Variants in CLIC5 observed in about 807,000 individuals in gnomAD.
CLIC5 encodes the protein chloride intracellular channel protein 5.
A neutral mutation model predicts 24.7 loss-of-function variants in CLIC5; 20 were observed. The observed-to-expected ratio is 0.81, with a 90% CI of 0.57 to 1.18. The LOEUF is 1.18. Ranked by LOEUF, CLIC5 falls within the 50% of genes most tolerant of loss-of-function variation. The pLI, the probability that CLIC5 is intolerant of heterozygous loss-of-function variation, is 0.00. For missense variants in CLIC5, 341 were observed against 326.1 expected, an observed-to-expected ratio of 1.05 and a Z score of -0.35; for synonymous variants, 159 against 135.6, an observed-to-expected ratio of 1.17 and a Z score of -1.20.
intron 1 of CLIC5, 123 bp downstream of exon 1, chr6:46,015,357 G>T (rs1038786741): frequency 2.0e-6 from 2 of 996,604 alleles, no homozygotes; most frequent in Non-Finnish European, 2.7e-6. Flanking sequence ...AAAGGCCACG[G>T]GGGAGCACAG....
intron 1 of CLIC5, among the ~76,000 whole-genome samples, chr6:46,012,038 A>C (rs1451310473): frequency 6.6e-6 from 1 of 152,200 alleles, no homozygotes; most frequent in African/African-American, 2.4e-5. Context: ...CTCCCATGGA[A>C]TCCTCACAGC....
chr6:46,056,468 C>T (rs1387182780), intron 1 of CLIC5, among the ~76,000 whole-genome samples: 1 of 152,130 alleles, frequency 6.6e-6, no homozygotes, highest in African/African-American at 2.4e-5. Flanking sequence ...AGCCAGGTAC[C>T]CTCATATGTG....
At chr6:45,981,194 C>A (rs542460573) in intron 1 of CLIC5, among the ~76,000 whole-genome samples, 6 of 152,074 alleles carry the variant, frequency 3.9e-5, no homozygotes, top group African/African-American at 1.4e-4. Flanking sequence ...GGTCTTGAAA[C>A]CTGAGCTCAA....
intron 1 of CLIC5, among the ~76,000 whole-genome samples, chr6:46,060,059 T>TA (rs935133564): frequency 1.7e-4 from 26 of 152,204 alleles, no homozygotes; most frequent in African/African-American, 6.0e-4. Flanking sequence ...CAGCAAATAT[T>TA]AAAAATAAAA....
At chr6:45,904,390 T>C (rs1395878263) in intron 5 of CLIC5, among the ~76,000 whole-genome samples, 5 of 152,008 alleles carry the variant, frequency 3.3e-5, no homozygotes, top group African/African-American at 1.2e-4. Context: ...ATGAGGTCTC[T>C]CTAGCTGCGG....
At chr6:46,048,508 A>T (rs149336569) in intron 1 of CLIC5, among the ~76,000 whole-genome samples, 31 of 152,190 alleles carry the variant, frequency 2.0e-4, no homozygotes, top group African/African-American at 7.5e-4. Flanking sequence ...CACAGCAGGC[A>T]TCTTTCTTTC....
In CLIC5 at chr6:46,015,631, C is replaced by T; in HGVS notation, c.-89G>A. 1 of 1,388,634 alleles carries T rather than the reference C, an allele frequency of 7.2e-7. No individual in the cohort carries two copies. The highest frequency in any genetic ancestry group is 9.4e-7 in the Non-Finnish European group (1 of 1,061,286). The allele number at this position is 1,388,634 out of a possible 1,614,324, so 86.0% of individuals were successfully genotyped here. The stretch of plus-strand genomic sequence containing the variant: ...AGCACTCTGCGCTCCTGCCGCTGCC[C>T]AGCGGGGCTCCTCTTCAGGGCGGTG... On this transcript the variant is annotated 5_prime_UTR_variant, in exon 1 of 6. Transcript: ENST00000339561.
the CLIC5 span, among the ~76,000 whole-genome samples, chr6:46,116,719 T>G: frequency 6.6e-6 from 1 of 152,194 alleles, no homozygotes; most frequent in East Asian, 1.9e-4. Context: ...ATTGTCCATA[T>G]CCTCTTTGTT....
intron 3 of CLIC5, among the ~76,000 whole-genome samples, chr6:45,945,923 A>T (rs1226136225): frequency 6.6e-6 from 1 of 152,268 alleles, no homozygotes; most frequent in Non-Finnish European, 1.5e-5. Context: ...CTGTGTAAAT[A>T]GACTGTATCA....
At chr6:45,933,415 T>C (rs1267589499) in intron 4 of CLIC5, among the ~76,000 whole-genome samples, 1 of 152,220 alleles carries the variant, frequency 6.6e-6, no homozygotes, top group Admixed American at 6.5e-5. Flanking sequence ...TTATTTTCAA[T>C]GAAGGCAATT....
intron 1 of CLIC5, among the ~76,000 whole-genome samples, chr6:46,002,263 T>G (rs1305636019): frequency 6.6e-6 from 1 of 152,152 alleles, no homozygotes; most frequent in East Asian, 1.9e-4. Context: ...TTGTTGTTGT[T>G]GGACTCTGCC....
At chr6:46,127,940 C>A in the CLIC5 span, among the ~76,000 whole-genome samples, 1 of 152,114 alleles carries the variant, frequency 6.6e-6, no homozygotes, top group Non-Finnish European at 1.5e-5. Flanking sequence ...ACTAAAGGAA[C>A]CAGAAGTCTA....
chr6:46,038,649 A>G (rs543089704), intron 1 of CLIC5, among the ~76,000 whole-genome samples: 31 of 152,370 alleles, frequency 2.0e-4, no homozygotes, highest in African/African-American at 7.0e-4. Flanking sequence ...GGGCTCAGCC[A>G]GACTTAATCT....
chr6:46,084,539 G>A (rs1762989898), upstream of CLIC5, among the ~76,000 whole-genome samples: 1 of 152,160 alleles, frequency 6.6e-6, no homozygotes, highest in Admixed American at 6.5e-5. Flanking sequence ...GTGAAGCTTA[G>A]TTTGGCTGGA....
chr6:45,995,166 G>A (rs753056552), intron 1 of CLIC5, among the ~76,000 whole-genome samples: 14 of 152,192 alleles, frequency 9.2e-5, no homozygotes, highest in Non-Finnish European at 1.5e-4. Flanking sequence ...ACATGTATAA[G>A]CTGTGTGGCC....
Position 46,003,644 on chromosome 6 carries a change from C to A in CLIC5, c.63+11836G>T, listed in dbSNP as rs9472657. On this transcript the variant is annotated intron_variant, in intron 1 of 5. Transcript: ENST00000339561. Reference sequence around the variant, plus strand: ...TTTAAATTTCCACTGTTAGACTCACCCCTGTGGGTTTTGGATACTCCCATG... The same window carrying A: ...TTTAAATTTCCACTGTTAGACTCACACCTGTGGGTTTTGGATACTCCCATG... Among the ~76,000 whole-genome samples, 656 of 152,236 alleles carry A rather than the reference C, an allele frequency of 4.3e-3. 4 individuals carry two copies. The highest frequency in any genetic ancestry group is 0.015 in the African/African-American group (626 of 41,520).
At chr6:45,898,304 A>G (rs544351251), downstream of CLIC5, 7 of 152,298 alleles carry the variant, frequency 4.6e-5, no homozygotes, top group African/African-American at 1.4e-4. Flanking sequence ...TTATCCAGGC[A>G]TGCTTTGATT....
chr6:46,121,813 A>G, the CLIC5 span, among the ~76,000 whole-genome samples: 1 of 152,178 alleles, frequency 6.6e-6, no homozygotes, highest in African/African-American at 2.4e-5. Context: ...TTAAACCAAC[A>G]AAGATCAAAA....
chr6:45,959,940 A>G (rs1764792510), intron 1 of CLIC5, among the ~76,000 whole-genome samples: 1 of 152,078 alleles, frequency 6.6e-6, no homozygotes, highest in Non-Finnish European at 1.5e-5. Flanking sequence ...TTTTCTGCAC[A>G]TGCATGACTG....
Sources: allele counts gnomAD v4.1 joint callset (sites outside exome capture counted in the v4.1 genomes callset), GRCh38; gene constraint gnomAD v4.1.1; transcripts MANE v1.5; gene names NCBI Gene and HGNC (gene_info 2026-07-23, HGNC 2026-07-21).